The following BABAM2 variants were observed in gnomAD, a reference collection of about 807,000 sequenced individuals.
BABAM2 encodes BRISC and BRCA1 A complex member 2, also known as BRISC and BRCA1-A complex member 2.
Under a neutral mutation model 54.7 loss-of-function variants are expected in BABAM2, and 31 were observed. The ratio of observed to expected loss-of-function variants is 0.57; its 90% confidence interval spans 0.43 to 0.77. The LOEUF (loss-of-function observed/expected upper bound fraction) is 0.77, where lower values mean the gene tolerates loss of function less well. BABAM2 is among the 30% of genes least tolerant of loss of function. The probability of loss-of-function intolerance (pLI) is 0.00; values close to 1 mark genes in which losing one functional copy is unlikely to be tolerated. For missense variants in BABAM2, 364 were observed against 455.8 expected (o/e 0.80, Z 1.83); for synonymous variants, 167 against 162.9 (o/e 1.03, Z -0.19).
chr2:28,262,785 A>T (rs935455339), intron 10 of BABAM2, among the ~76,000 whole-genome samples: 3 of 152,214 alleles, frequency 2.0e-5, no homozygotes, highest in South Asian at 4.1e-4. Context: ...CCTAGAGTCC[A>T]TTCCAACCTG....
At chr2:28,277,452 C>T (rs1311596999) in intron 10 of BABAM2, among the ~76,000 whole-genome samples, 1 of 152,160 alleles carries the variant, frequency 6.6e-6, no homozygotes, top group East Asian at 1.9e-4. Context: ...TTGTAGTTTG[C>T]AGACACATCA....
chr2:28,146,865 T>C (rs1671538991), intron 7 of BABAM2, among the ~76,000 whole-genome samples: 1 of 152,170 alleles, frequency 6.6e-6, no homozygotes. Context: ...TTCAGTTCAG[T>C]TCAGATTTAA....
intron 6 of BABAM2, among the ~76,000 whole-genome samples, chr2:28,110,383 G>C (rs1473904665): frequency 6.6e-6 from 1 of 152,018 alleles, no homozygotes; most frequent in Non-Finnish European, 1.5e-5. Context: ...CAGCACTTTG[G>C]GAGGCCAAGG....
At chr2:28,119,197 G>A (rs1203104665) in intron 6 of BABAM2, among the ~76,000 whole-genome samples, 1 of 152,166 alleles carries the variant, frequency 6.6e-6, no homozygotes, top group African/African-American at 2.4e-5. Context: ...GATTGTCTTG[G>A]CAAAAATTGA....
chr2:27,951,289 A>G (rs770744163), intron 3 of BABAM2, among the ~76,000 whole-genome samples: 2 of 152,120 alleles, frequency 1.3e-5, no homozygotes, highest in Non-Finnish European at 2.9e-5. Context: ...ATAAATTTCC[A>G]GCTAAGTGGT....
chr2:28,064,260 G>A (rs939768337), intron 6 of BABAM2, among the ~76,000 whole-genome samples: 3 of 152,170 alleles, frequency 2.0e-5, no homozygotes, highest in Non-Finnish European at 2.9e-5. Context: ...TTGCTACTAC[G>A]TATCTTGTGG....
At chr2:28,162,820 C>T (rs185604638) in intron 7 of BABAM2, among the ~76,000 whole-genome samples, 2 of 152,134 alleles carry the variant, frequency 1.3e-5, no homozygotes, top group Non-Finnish European at 2.9e-5. Context: ...TCTCCAACAG[C>T]AATTATAGCC....
rs1157014899 is a variant in BABAM2 at position 28,249,113 on chromosome 2, C to T, written c.934+4251C>T. On this transcript the variant is annotated intron_variant, in intron 10 of 11. Transcript: ENST00000379624. ...TTTTTTTTTTTTTTTTTGGAAACAG[C>T]GTCTCACTCTGTTGCCCAGGCTGGA... is the stretch of plus-strand genomic sequence containing the variant. 7.7e-5 allele frequency among the ~76,000 whole-genome samples: 11 copies of T among 143,332 alleles called. No homozygotes were observed. In the East Asian group the frequency reaches 1.9e-3, roughly 24 times the overall value. 94.0% of individuals were successfully genotyped at this position (143,332 alleles called of 152,430 possible).
intron 10 of BABAM2, among the ~76,000 whole-genome samples, 162 bp from the exon 11 acceptor site, chr2:28,298,176 A>G (rs1427252966): frequency 6.6e-6 from 1 of 151,966 alleles, no homozygotes; most frequent in African/African-American, 2.4e-5. Context: ...GTCACTTTGT[A>G]TTTCTTGGTG....
rs145123975 is a variant in BABAM2, at chr2:27,985,377, G to A, written c.206-2616G>A. 8.1e-3 allele frequency among the ~76,000 whole-genome samples: 1,228 copies of A among 151,974 alleles called. 14 individuals carry two copies. Among genetic ancestry groups the A allele is most frequent in the African/African-American group, 0.028 (1,181 of 41,466 alleles). On this transcript the variant is annotated intron_variant, in intron 3 of 11. Transcript: ENST00000379624. ...AAGTGTCCCCTTTCACCACATCTGC[G>A]CCAACATCTATTATTAATATTTTTT...
At chr2:28,148,295 A>G (rs1356378379) in intron 7 of BABAM2, among the ~76,000 whole-genome samples, 5 of 152,190 alleles carry the variant, frequency 3.3e-5, no homozygotes, top group African/African-American at 9.7e-5. Flanking sequence ...CTTTGGTGCC[A>G]CAATAAGGTA....
At chr2:27,964,312 A>G (rs903800444) in intron 3 of BABAM2, among the ~76,000 whole-genome samples, 1 of 152,196 alleles carries the variant, frequency 6.6e-6, no homozygotes, top group African/African-American at 2.4e-5. Flanking sequence ...TGTGCACTAA[A>G]TAAACCTTTT....
intron 6 of BABAM2, among the ~76,000 whole-genome samples, chr2:28,091,349 A>G (rs898588619): frequency 2.0e-5 from 3 of 152,228 alleles, no homozygotes; most frequent in African/African-American, 4.8e-5. Flanking sequence ...TTGCATTTGC[A>G]TAGGATATAT....
chr2:28,202,393 C>T (rs1277024779), intron 7 of BABAM2, among the ~76,000 whole-genome samples: 1 of 151,948 alleles, frequency 6.6e-6, no homozygotes, highest in East Asian at 1.9e-4. Flanking sequence ...CTCCCATGCC[C>T]CTGCCCCTTC....
intron 7 of BABAM2, among the ~76,000 whole-genome samples, chr2:28,226,295 T>A (rs1680880205): frequency 6.6e-6 from 1 of 152,242 alleles, no homozygotes; most frequent in Admixed American, 6.5e-5. Flanking sequence ...CCAAGACCGT[T>A]AAACTCTTCT....
At chr2:28,040,979 G>T (rs935737033) in intron 5 of BABAM2, among the ~76,000 whole-genome samples, 1 of 152,144 alleles carries the variant, frequency 6.6e-6, no homozygotes, top group African/African-American at 2.4e-5. Context: ...AAGAATGTGG[G>T]TCTAAAATAG....
intron 7 of BABAM2, among the ~76,000 whole-genome samples, chr2:28,199,107 G>A (rs1018484434): frequency 6.6e-6 from 1 of 152,170 alleles, no homozygotes; most frequent in African/African-American, 2.4e-5. Flanking sequence ...GCACTTCTTG[G>A]ATTCCTTTTT....
At position 28,243,868 on chromosome 2, in the gene BABAM2, C is replaced by T. The variant is rs191451235; in HGVS notation, c.852-912C>T. On this transcript the variant is annotated intron_variant, in intron 9 of 11. Coordinates refer to ENST00000379624, the MANE Select transcript of BABAM2 (RefSeq NM_199191.3). ...ACTGTTCCTTCCAACTTAAACTGGGCGGGCATCAATATCAGTGGTCTGATT... is the reference window on the plus strand; with the variant it reads ...ACTGTTCCTTCCAACTTAAACTGGGTGGGCATCAATATCAGTGGTCTGATT... 3.5e-3 allele frequency among the ~76,000 whole-genome samples: 536 copies of T among 152,228 alleles called. 2 individuals carry two copies. Among genetic ancestry groups the T allele is most frequent in the African/African-American group, 0.012 (503 of 41,522 alleles).
intron 6 of BABAM2, among the ~76,000 whole-genome samples, chr2:28,090,927 A>G (rs1666107593): frequency 6.6e-6 from 1 of 152,020 alleles, no homozygotes; most frequent in Admixed American, 6.5e-5. Flanking sequence ...ATTTTCCTGC[A>G]TTTTGGGAGG....
Sources: gnomAD v4.1 joint callset for allele counts (sites outside exome capture counted in the v4.1 genomes callset) on GRCh38, gnomAD v4.1.1 for gene constraint, MANE v1.5 for transcripts, NCBI Gene and HGNC (gene_info 2026-07-23, HGNC 2026-07-21) for gene names.